The following PRR5L variants were observed in gnomAD, a reference collection of about 807,000 sequenced individuals.
PRR5L encodes proline-rich protein 5-like.
PRR5L carries 21 observed loss-of-function variants against 36.4 expected under a neutral mutation model. The ratio of observed to expected loss-of-function variants is 0.58; its 90% CI spans 0.41 to 0.83. PRR5L has a LOEUF of 0.83. Among genes scored for constraint, PRR5L ranks in the 40% least tolerant of loss-of-function variants. The pLI, the probability that PRR5L is intolerant of heterozygous loss-of-function variation, is 0.00. For synonymous variants in PRR5L, 188 were observed against 197.0 expected (o/e 0.95, Z 0.38); for missense variants, 381 against 473.3 (o/e 0.80, Z 1.81).
At chr11:36,356,489 A>C (rs1451399154) in intron 1 of PRR5L, among the ~76,000 whole-genome samples, 11 of 152,124 alleles carry the variant, frequency 7.2e-5, no homozygotes. Flanking sequence ...GGTTTATTGC[A>C]CTTCACAGAT....
intron 1 of PRR5L, among the ~76,000 whole-genome samples, chr11:36,302,018 C>G (rs372561388): frequency 2.2e-4 from 33 of 152,094 alleles, no homozygotes; most frequent in Non-Finnish European, 4.4e-5. Flanking sequence ...GCAAATATGG[C>G]AAAACGTTAC....
chr11:36,406,668 G>A (rs1857918572), intron 3 of PRR5L, among the ~76,000 whole-genome samples: 1 of 152,190 alleles, frequency 6.6e-6, no homozygotes, highest in African/African-American at 2.4e-5. Flanking sequence ...TGGAAGACTT[G>A]TTTGCAGAAC....
chr11:36,437,614 T>C (rs985331864), intron 6 of PRR5L, 138 bp downstream of exon 6: 4 of 582,736 alleles, frequency 6.9e-6, no homozygotes, highest in Non-Finnish European at 1.2e-5. Context: ...GTTTAGAGAT[T>C]GTTTAAGGGC....
intron 1 of PRR5L, among the ~76,000 whole-genome samples, chr11:36,389,688 C>T (rs1450342355): frequency 6.6e-6 from 1 of 150,976 alleles, no homozygotes; most frequent in African/African-American, 2.4e-5. Flanking sequence ...CCTCGGCTCA[C>T]TGCAACCTCC....
At chr11:36,309,515 T>C (rs1017370768) in intron 1 of PRR5L, among the ~76,000 whole-genome samples, 5 of 151,158 alleles carry the variant, frequency 3.3e-5, no homozygotes, top group Non-Finnish European at 7.4e-5. Context: ...CATTTAGTGA[T>C]GGGATTTTCT....
At chr11:36,338,214 T>C (rs1349354467) in intron 1 of PRR5L, among the ~76,000 whole-genome samples, 2 of 152,214 alleles carry the variant, frequency 1.3e-5, no homozygotes, top group African/African-American at 4.8e-5. Flanking sequence ...CTCAATCAAG[T>C]ATCAACCCAG....
intron 1 of PRR5L, among the ~76,000 whole-genome samples, chr11:36,371,393 G>A (rs928754071): frequency 6.6e-6 from 1 of 152,200 alleles, no homozygotes; most frequent in African/African-American, 2.4e-5. Context: ...GTGGTATATT[G>A]AGTGCTTACG....
In PRR5L at chr11:36,462,561, G is replaced by C. The variant is rs145025421; in HGVS notation, c.932G>C (p.Gly311Ala). The C allele has an allele frequency of 4.3e-5, 69 of 1,612,748 alleles. 1 individual carries two copies. In the African/African-American group the frequency reaches 8.0e-4, roughly 19 times the overall value. Residue 311 changes from glycine to alanine, a missense_variant, in exon 9 of 9, where the codon GGC (glycine) becomes GCC (alanine). Gly to Ala is a moderately conservative substitution (Grantham distance 60). Coordinates refer to ENST00000530639, the MANE Select transcript of PRR5L (RefSeq NM_001160167.2). ...LLAMATMMHS[G>A]LGEEASSENK... ...GCCATGGCCACCATGATGCACTCGG[G>C]CCTGGGGGAGGAGGCCAGCAGTGAG...
At chr11:36,461,927 C>T (rs141900130) in intron 8 of PRR5L, among the ~76,000 whole-genome samples, 1 of 152,314 alleles carries the variant, frequency 6.6e-6, no homozygotes, top group African/African-American at 2.4e-5. Flanking sequence ...TTTATATCAC[C>T]TGTTGGCATG....
chr11:36,325,402 G>A (rs377119791), intron 1 of PRR5L, among the ~76,000 whole-genome samples: 2 of 152,222 alleles, frequency 1.3e-5, no homozygotes, highest in Non-Finnish European at 2.9e-5. Context: ...AGCTCAGCTC[G>A]AGCAGTAACA....
intron 7 of PRR5L, among the ~76,000 whole-genome samples, chr11:36,448,539 C>T (rs900642778): frequency 6.6e-6 from 1 of 152,164 alleles, no homozygotes; most frequent in Non-Finnish European, 1.5e-5. Context: ...TCAATGTTTT[C>T]TCCTTGCCCT....
At chr11:36,380,285 C>G (rs958278715) in intron 1 of PRR5L, among the ~76,000 whole-genome samples, 4 of 152,148 alleles carry the variant, frequency 2.6e-5, no homozygotes, top group African/African-American at 9.7e-5. Flanking sequence ...TAGCATTGGC[C>G]TGGGCGAGGA....
At chr11:36,297,085 T>A (rs1856319461) in intron 1 of PRR5L, among the ~76,000 whole-genome samples, 2 of 152,232 alleles carry the variant, frequency 1.3e-5, no homozygotes, top group African/African-American at 4.8e-5. Context: ...TTATGATCTC[T>A]ATTTTATGGA....
chr11:36,455,776 C>T (rs1859044102), intron 8 of PRR5L, among the ~76,000 whole-genome samples: 1 of 152,206 alleles, frequency 6.6e-6, no homozygotes, highest in African/African-American at 2.4e-5. Flanking sequence ...TTTAAGGCCT[C>T]CCAAGGGGCC....
At chr11:36,418,001 G>A (rs530309344) in intron 3 of PRR5L, among the ~76,000 whole-genome samples, 1 of 152,300 alleles carries the variant, frequency 6.6e-6, no homozygotes, top group Non-Finnish European at 1.5e-5. Flanking sequence ...TCCATTATTT[G>A]TCACAGGGAA....
intron 3 of PRR5L, among the ~76,000 whole-genome samples, chr11:36,404,765 A>G (rs1249155046): frequency 6.6e-6 from 1 of 152,166 alleles, no homozygotes; most frequent in Non-Finnish European, 1.5e-5. Context: ...AGTCTTTAGA[A>G]TTGTATTAAA....
intron 1 of PRR5L, among the ~76,000 whole-genome samples, chr11:36,363,881 T>G (rs975158373): frequency 1.3e-5 from 2 of 152,206 alleles, no homozygotes; most frequent in African/African-American, 4.8e-5. Flanking sequence ...GAACAGTGAT[T>G]AAGTCATTCA....
Position 36,346,066 on chromosome 11 carries a change from A to AT in PRR5L, c.-126+49635dup, listed in dbSNP as rs561360629. ...TTTCTTTTGAAGGATTTATTTTTTA[A>AT]TTTTTTTGTAGAGATGGGGCCTTAT... is the stretch of plus-strand genomic sequence containing the variant. On this transcript the variant is annotated intron_variant, in intron 1 of 8. Coordinates refer to ENST00000530639, the MANE Select transcript of PRR5L (RefSeq NM_001160167.2). 3.7e-3 allele frequency among the ~76,000 whole-genome samples: 558 copies of AT among 152,052 alleles called. 6 individuals are homozygous for AT. The highest frequency in any genetic ancestry group is 0.012 in the African/African-American group (502 of 41,504).
At chr11:36,336,529 CTTTT>C (rs36024089) in intron 1 of PRR5L, among the ~76,000 whole-genome samples, 1 of 104,264 alleles carries the variant, frequency 9.6e-6, no homozygotes, top group Admixed American at 1.0e-4. Context: ...CGCGCCTGGC[CTTTT>C]TTTTTTTTTT....
Sources: allele counts gnomAD v4.1 joint callset (sites outside exome capture counted in the v4.1 genomes callset), GRCh38; gene constraint gnomAD v4.1.1; transcripts MANE v1.5; gene names NCBI Gene and HGNC (gene_info 2026-07-23, HGNC 2026-07-21).